The following ATG16L1 variants were observed in gnomAD, a reference collection of about 807,000 sequenced individuals.
ATG16L1 encodes autophagy related 16 like 1.
A neutral mutation model predicts 88.5 loss-of-function variants in ATG16L1; 37 were observed. That is an observed-to-expected ratio of 0.42 (90% CI 0.32 to 0.55). The LOEUF (loss-of-function observed/expected upper bound fraction) is 0.55. Among genes scored for constraint, ATG16L1 ranks in the 20% least tolerant of loss-of-function variants. The probability of loss-of-function intolerance (pLI) is 0.13; values close to 1 mark genes in which losing one functional copy is unlikely to be tolerated. For synonymous variants in ATG16L1, 301 were observed against 281.0 expected, an observed-to-expected ratio of 1.07 and a Z score of -0.71; for missense variants, 554 against 752.8, an observed-to-expected ratio of 0.74 and a Z score of 3.09.
intron 10 of ATG16L1, among the ~76,000 whole-genome samples, chr2:233,277,935 A>G (rs1698484107): frequency 1.3e-5 from 2 of 152,210 alleles, no homozygotes; most frequent in Admixed American, 1.3e-4. Context: ...GGATATGTTT[A>G]TGTTAGTAAG....
At chr2:233,255,986 G>A (rs1033461754) in intron 1 of ATG16L1, 116 bp from the exon 2 acceptor site, 1 of 760,678 alleles carries the variant, frequency 1.3e-6, no homozygotes, top group Non-Finnish European at 2.2e-6. Context: ...AGGTTACTGT[G>A]GCTGAGGAAT....
At chr2:233,282,554 T>C in intron 11 of ATG16L1, 128 bp from the exon 12 acceptor site, 1 of 785,754 alleles carries the variant, frequency 1.3e-6, no homozygotes, top group Non-Finnish European at 2.2e-6. Flanking sequence ...GTAGCTGGTA[T>C]TCAGGCTGGT....
Position 233,282,738 on chromosome 2 carries a change from T to C in ATG16L1, c.1188T>C (p.Asp396=). The part of the protein sequence containing the change: ...NDFASRIWTV[D]DYRLRHTLTG... The stretch of plus-strand genomic sequence containing the variant: ...TTGCAAGCCGAATCTGGACTGTGGA[T>C]GATTATCGATTACGGGTAAGACCCA... The change falls in exon 12 of 18, where the codon GAT becomes GAC. Residue 396 remains aspartate, a synonymous_variant. Transcript: ENST00000392017. 6.2e-7 allele frequency: 1 copy of C among 1,614,098 alleles called. No homozygotes were observed. Among genetic ancestry groups the C allele is most frequent in the Non-Finnish European group, 8.5e-7 (1 of 1,179,936 alleles).
chr2:233,270,151 G>GT, intron 6 of ATG16L1, 84 bp downstream of exon 6: 2 of 1,342,368 alleles, frequency 1.5e-6, no homozygotes, highest in South Asian at 3.0e-5. Context: ...TTTTTTGTTT[G>GT]GTTTTTTTTG....
Position 233,264,952 on chromosome 2 carries a change from T to C in ATG16L1, c.450T>C (p.Thr150=), listed in dbSNP as rs764046166. Residue 150 remains threonine, a synonymous_variant, in exon 5 of 18, where the codon ACT becomes ACC. Coordinates refer to ENST00000392017, the MANE Select transcript of ATG16L1 (RefSeq NM_030803.7). The part of the protein sequence containing the change: ...DLETECLDLR[T]KLCDLERANQ... Reference sequence around the variant, plus strand: ...AGACGGAGTGCCTAGACCTGCGCACTAAGCTTTGTGACCTTGAAAGAGCCA... The same window carrying C: ...AGACGGAGTGCCTAGACCTGCGCACCAAGCTTTGTGACCTTGAAAGAGCCA... The C allele has an allele frequency of 1.2e-5, 20 of 1,613,994 alleles. No homozygotes were observed. The highest frequency in any genetic ancestry group is 5.0e-5 in the Admixed American group (3 of 59,994).
At chr2:233,290,579 A>C (rs990269284) in intron 14 of ATG16L1, among the ~76,000 whole-genome samples, 1 of 151,216 alleles carries the variant, frequency 6.6e-6, no homozygotes, top group Non-Finnish European at 1.5e-5. Flanking sequence ...ACCAGCTGGC[A>C]GGTAAGAAAA....
chr2:233,290,082 T>C lies in ATG16L1; in HGVS notation c.1324+108T>C, dbSNP rs535026370. On this transcript the variant is annotated intron_variant, in intron 13 of 17. Transcript: ENST00000392017. ...TATGTAATATAGTTTGAATTTCAGA[T>C]CTGGCTTCATGTTTAGAGGGGCACT... 16 of 1,561,860 alleles carry C rather than the reference T, an allele frequency of 1.0e-5. No individual in the cohort carries two copies. The African/African-American group carries it at 2.0e-4, about 20-fold the overall frequency.
intron 4 of ATG16L1, among the ~76,000 whole-genome samples, chr2:233,264,601 T>C (rs1477920599): frequency 6.6e-6 from 1 of 152,142 alleles, no homozygotes; most frequent in East Asian, 1.9e-4. Flanking sequence ...GCTCAGGAAA[T>C]GTCAGAGCTG....
Position 233,281,198 on chromosome 2 carries a change from T to A in ATG16L1, c.1131+23T>A, listed in dbSNP as rs1004771044. On this transcript the variant is annotated intron_variant, in intron 11 of 17. Transcript: ENST00000392017. ...GCTGTAAGTATTGAATAGCTATGAT[T>A]TTAAAGGTTTTTAGAAATAATTTAA... 3 of 1,497,530 alleles carry A rather than the reference T, an allele frequency of 2.0e-6. No individual in the cohort carries two copies. The African/African-American group carries it at 4.2e-5, about 21-fold the overall frequency. The allele number at this position is 1,497,530 out of a possible 1,614,324, so 92.8% of individuals were successfully genotyped here.
intron 10 of ATG16L1, among the ~76,000 whole-genome samples, chr2:233,278,146 G>A (rs1179432335): frequency 3.3e-5 from 5 of 152,108 alleles, no homozygotes; most frequent in Admixed American, 6.6e-5. Context: ...AAACAGAGGC[G>A]TACTACCTAG....
At chr2:233,266,689 G>T (rs1697611833) in intron 5 of ATG16L1, among the ~76,000 whole-genome samples, 1 of 152,158 alleles carries the variant, frequency 6.6e-6, no homozygotes, top group South Asian at 2.1e-4. Context: ...TCATGTTTGT[G>T]GCAGCACCAT....
intron 5 of ATG16L1, among the ~76,000 whole-genome samples, chr2:233,268,545 T>C (rs184455514): frequency 5.1e-4 from 77 of 152,270 alleles, no homozygotes; most frequent in Admixed American, 3.1e-3. Flanking sequence ...CTAAGTCAAG[T>C]TTTTATCTCC....
In ATG16L1 at chr2:233,278,056, A is replaced by G. The variant is rs141860283; in HGVS notation, c.1060+383A>G. Reference sequence around the variant, plus strand: ...CATGGATTCTACAATTAAACTATACATTAAGCTGTGGTTGATGCATTTAAT... The same window carrying G: ...CATGGATTCTACAATTAAACTATACGTTAAGCTGTGGTTGATGCATTTAAT... On this transcript the variant is annotated intron_variant, in intron 10 of 17. Coordinates refer to ENST00000392017, the MANE Select transcript of ATG16L1 (RefSeq NM_030803.7). Among the ~76,000 whole-genome samples, 50 of 152,362 alleles carry G rather than the reference A, an allele frequency of 3.3e-4. No individual in the cohort carries two copies. The East Asian group carries it at 9.1e-3, about 28-fold the overall frequency.
chr2:233,283,488 TAACAC>T (rs1698854410), intron 12 of ATG16L1, among the ~76,000 whole-genome samples: 2 of 151,838 alleles, frequency 1.3e-5, no homozygotes, highest in Non-Finnish European at 2.9e-5. Context: ...TTTAAAAAGT[TAACAC>T]AAGCCGTTTG....
rs1365746582 is a variant in ATG16L1, at chr2:233,281,108, A to C, written c.1064A>C (p.Lys355Thr). Residue 355 changes from lysine (K) to threonine (T), a missense_variant, in exon 11 of 18, where the codon AAA (lysine) becomes ACA (threonine). Transcript: ENST00000392017. ...RVKLWEVFGE[K>T]CEFKGSLSGS... ...CTAATTTTTTCTTTTTATACAGAAA[A>C]ATGTGAGTTCAAGGGTTCCCTATCT... 6.3e-7 allele frequency: 1 copy of C among 1,593,664 alleles called. No individual in the cohort carries two copies. The highest frequency in any genetic ancestry group is 1.8e-5 in the Admixed American group (1 of 54,566).
At chr2:233,253,728 C>T (rs1285650189) in intron 1 of ATG16L1, among the ~76,000 whole-genome samples, 1 of 152,118 alleles carries the variant, frequency 6.6e-6, no homozygotes, top group African/African-American at 2.4e-5. Flanking sequence ...TGGTTCTTTG[C>T]TTTCACTGCA....
chr2:233,264,736 TTCCTC>T (rs1697452513), intron 4 of ATG16L1, among the ~76,000 whole-genome samples, 151 bp from the exon 5 acceptor site: 1 of 152,186 alleles, frequency 6.6e-6, no homozygotes, highest in Non-Finnish European at 1.5e-5. Context: ...CCTTAGGTGT[TTCCTC>T]TCCTAATGGA....
chr2:233,265,042 G>A lies in ATG16L1; in HGVS notation c.540G>A (p.Leu180=), dbSNP rs1697472644. The A allele has an allele frequency of 6.2e-7, 1 of 1,614,192 alleles. No individual in the cohort carries two copies. Among genetic ancestry groups the A allele is most frequent in the Non-Finnish European group, 8.5e-7 (1 of 1,180,036 alleles). Residue 180 remains leucine, a synonymous_variant, in exon 5 of 18, where the codon CTG becomes CTA. Transcript: ENST00000392017. Reference sequence around the variant, plus strand: ...CTTTTACTGCCTTGGAGGGAAAACTGAGGAAAACTACGGAAGAGAACCAGG... The same window carrying A: ...CTTTTACTGCCTTGGAGGGAAAACTAAGGAAAACTACGGAAGAGAACCAGG... ...QITFTALEGK[L]RKTTEENQEL...
chr2:233,277,486 A>C, intron 9 of ATG16L1, 82 bp from the exon 10 acceptor site: 2 of 1,279,760 alleles, frequency 1.6e-6, no homozygotes, highest in East Asian at 2.4e-5. Flanking sequence ...TTTCCCCATG[A>C]ATTAGGCATT....
Sources: gnomAD v4.1 joint callset for allele counts (sites outside exome capture counted in the v4.1 genomes callset) on GRCh38, gnomAD v4.1.1 for gene constraint, MANE v1.5 for transcripts, NCBI Gene and HGNC (gene_info 2026-07-23, HGNC 2026-07-21) for gene names.